The following TCF4 variants were observed in gnomAD, a reference collection of about 807,000 sequenced individuals.
TCF4 encodes the protein SL3-3 enhancer factor 2.
Under a neutral mutation model 82.1 loss-of-function variants are expected in TCF4, and 3 were observed. The observed-to-expected ratio is 0.04, with a 90% CI of 0.02 to 0.09. TCF4 has a LOEUF of 0.09. TCF4 is among the 10% of genes least tolerant of loss of function. The pLI is 1.00. For synonymous variants in TCF4, 276 were observed against 309.6 expected (o/e 0.89, Z 1.14); for missense variants, 518 against 852.7 (o/e 0.61, Z 4.89).
At chr18:55,322,009 T>A (rs2075617627) in intron 8 of TCF4, 1 of 1,211,980 alleles carries the variant, frequency 8.3e-7, no homozygotes, top group Non-Finnish European at 1.0e-6. Context: ...TCGATTCAAC[T>A]TTTCCGAGGG....
At chr18:55,517,556 G>C (rs76858784) in intron 3 of TCF4, among the ~76,000 whole-genome samples, 2 of 152,076 alleles carry the variant, frequency 1.3e-5, no homozygotes, top group Admixed American at 6.6e-5. Context: ...GCTATGCAGC[G>C]ATAGATAATA....
At chr18:55,351,212 G>A (rs1485414215) in intron 6 of TCF4, 1 of 562,522 alleles carries the variant, frequency 1.8e-6, no homozygotes, top group East Asian at 3.2e-5. Context: ...CTTTTAGGAG[G>A]AAAGTAGATG....
At chr18:55,381,046 A>AT (rs1201197026) in intron 6 of TCF4, among the ~76,000 whole-genome samples, 1 of 152,158 alleles carries the variant, frequency 6.6e-6, no homozygotes, top group South Asian at 2.1e-4. Context: ...ATATATCTCG[A>AT]TTTTTTTAAA....
At chr18:55,433,898 G>C (rs935359448) in intron 5 of TCF4, among the ~76,000 whole-genome samples, 1 of 152,028 alleles carries the variant, frequency 6.6e-6, no homozygotes, top group African/African-American at 2.4e-5. Flanking sequence ...CACTGACAGA[G>C]CCATTTCCTC....
chr18:55,299,451 CTTT>C (rs113065305), intron 8 of TCF4, among the ~76,000 whole-genome samples: 11 of 116,796 alleles, frequency 9.4e-5, no homozygotes, highest in East Asian at 2.5e-4. Flanking sequence ...CATGTTTCTG[CTTT>C]TTTTTTTTTT....
intron 5 of TCF4, chr18:55,403,880 C>A: frequency 6.9e-7 from 1 of 1,447,260 alleles, no homozygotes; most frequent in Admixed American, 2.6e-5. Context: ...ATGTAATGAC[C>A]CTAGCCTAGT....
intron 3 of TCF4, among the ~76,000 whole-genome samples, chr18:55,555,881 A>G (rs2097299362): frequency 6.6e-6 from 1 of 152,224 alleles, no homozygotes; most frequent in Non-Finnish European, 1.5e-5. Flanking sequence ...TGTGAGACCA[A>G]ATACATCTAT....
At chr18:55,526,314 A>G (rs2096983258) in intron 3 of TCF4, among the ~76,000 whole-genome samples, 1 of 152,202 alleles carries the variant, frequency 6.6e-6, no homozygotes, top group East Asian at 1.9e-4. Flanking sequence ...TATCCAGTGC[A>G]TAACCCAGAG....
At chr18:55,384,647 CA>C (rs908567538) in intron 6 of TCF4, among the ~76,000 whole-genome samples, 3 of 152,184 alleles carry the variant, frequency 2.0e-5, no homozygotes, top group Non-Finnish European at 4.4e-5. Context: ...AAAATACTAT[CA>C]GAAAAGAAGA....
At chr18:55,612,997 C>A (rs2097708541) in intron 2 of TCF4, among the ~76,000 whole-genome samples, 1 of 152,038 alleles carries the variant, frequency 6.6e-6, no homozygotes, top group Non-Finnish European at 1.5e-5. Context: ...TTCAATGTCA[C>A]CATCACCCCA....
chr18:55,329,488 A>T (rs2077148754), intron 8 of TCF4, among the ~76,000 whole-genome samples: 2 of 152,214 alleles, frequency 1.3e-5, no homozygotes. Flanking sequence ...GTGCAATTTT[A>T]AAAAATTCTG....
chr18:55,418,733 T>C (rs1048235372), intron 5 of TCF4, among the ~76,000 whole-genome samples: 1 of 152,206 alleles, frequency 6.6e-6, no homozygotes, highest in African/African-American at 2.4e-5. Flanking sequence ...ATGTCAGCAT[T>C]ATATTTTGTC....
chr18:55,343,538 T>C (rs2080481888), intron 8 of TCF4, among the ~76,000 whole-genome samples: 1 of 152,152 alleles, frequency 6.6e-6, no homozygotes, highest in Admixed American at 6.6e-5. Flanking sequence ...AAATACAACT[T>C]GCACATTCTT....
intron 3 of TCF4, among the ~76,000 whole-genome samples, chr18:55,512,663 G>A (rs1374645163): frequency 6.6e-6 from 1 of 152,006 alleles, no homozygotes; most frequent in East Asian, 1.9e-4. Flanking sequence ...AAAATCGAGT[G>A]GGAGTGGTAT....
chr18:55,531,028 T>G (rs2097057245), intron 3 of TCF4, among the ~76,000 whole-genome samples: 2 of 151,926 alleles, frequency 1.3e-5, no homozygotes, highest in Non-Finnish European at 2.9e-5. Flanking sequence ...CTCGGCTCAG[T>G]GCAACTTCCG....
chr18:55,480,388 T>TA (rs2096401343), intron 3 of TCF4, among the ~76,000 whole-genome samples: 1 of 147,182 alleles, frequency 6.8e-6, no homozygotes, highest in Admixed American at 7.0e-5. Context: ...AAAATGTACA[T>TA]AAAATAGGAC....
rs143993583 is a variant in TCF4 at position 55,279,630 on chromosome 18, G to A, written c.576C>T (p.Ala192=). Reference sequence around the variant, plus strand: ...AGCCTGGCGAGTCCCTATTGTAGTCGGCAGTGCTTGCTGATGGAGCATAGA... The same window carrying A: ...AGCCTGGCGAGTCCCTATTGTAGTCAGCAGTGCTTGCTGATGGAGCATAGA... The part of the protein sequence containing the change: ...SSVYAPSAST[A]DYNRDSPGYP... Residue 192 remains alanine (A), a synonymous_variant, in exon 9 of 20, where the codon GCC becomes GCT. Coordinates refer to ENST00000354452, the MANE Select transcript of TCF4 (RefSeq NM_001083962.2). 55 of 1,613,906 alleles carry A rather than the reference G, an allele frequency of 3.4e-5. No homozygotes were observed. In the South Asian group the frequency reaches 3.8e-4, roughly 11 times the overall value.
At chr18:55,273,045 T>A (rs1213470010) in intron 10 of TCF4, among the ~76,000 whole-genome samples, 1 of 152,128 alleles carries the variant, frequency 6.6e-6, no homozygotes, top group African/African-American at 2.4e-5. Context: ...AAACATAAAA[T>A]CATCTACAAC....
chr18:55,389,048 C>G (rs765076019), intron 6 of TCF4, among the ~76,000 whole-genome samples: 2 of 151,404 alleles, frequency 1.3e-5, no homozygotes, highest in Non-Finnish European at 2.9e-5. Context: ...ATGGCATGAA[C>G]CCGGGAGGCA....
Sources: allele counts gnomAD v4.1 joint callset (sites outside exome capture counted in the v4.1 genomes callset), GRCh38; gene constraint gnomAD v4.1.1; transcripts MANE v1.5; gene names NCBI Gene and HGNC (gene_info 2026-07-23, HGNC 2026-07-21).